The following IRAK2 variants were observed in gnomAD, a reference collection of about 807,000 sequenced individuals.
IRAK2 encodes interleukin 1 receptor associated kinase 2.
Under a neutral mutation model 72.0 loss-of-function variants are expected in IRAK2, and 57 were observed. The observed-to-expected ratio is 0.79, with a 90% confidence interval of 0.64 to 0.99. IRAK2 has a LOEUF of 0.99. IRAK2 is among the 50% of genes least tolerant of loss of function. IRAK2 has a pLI of 0.00. For synonymous variants in IRAK2, 293 were observed against 312.7 expected, an observed-to-expected ratio of 0.94 and a Z score of 0.67; for missense variants, 790 against 794.4, an observed-to-expected ratio of 0.99 and a Z score of 0.07.
intron 9 of IRAK2, among the ~76,000 whole-genome samples, chr3:10,224,654 C>T (rs1238846323): frequency 7.2e-6 from 1 of 138,732 alleles, no homozygotes; most frequent in East Asian, 2.2e-4. Flanking sequence ...CAGATGACTT[C>T]CTCATCCATC....
intron 2 of IRAK2, among the ~76,000 whole-genome samples, chr3:10,182,093 A>T (rs1237893299): frequency 1.4e-5 from 2 of 147,822 alleles, no homozygotes; most frequent in Non-Finnish European, 3.0e-5. Context: ...TCAGCCTCCC[A>T]AGTAGCTGGG....
intron 2 of IRAK2, among the ~76,000 whole-genome samples, chr3:10,185,251 C>G (rs1039002153): frequency 6.6e-6 from 1 of 151,250 alleles, no homozygotes; most frequent in African/African-American, 2.5e-5. Flanking sequence ...TTCTGATGCA[C>G]CTTGAAGTTT....
rs113314988 is a variant in IRAK2 at position 10,222,706 on chromosome 3, A to T, written c.1084A>T (p.Asn362Tyr). The T allele has an allele frequency of 1.2e-6, 2 of 1,614,188 alleles. No individual in the cohort carries two copies. Among genetic ancestry groups the T allele is most frequent in the South Asian group, 2.2e-5 (2 of 91,084 alleles). ...CCCAATGGCTCATCTGTGTCCTGTC[A>T]ACAAAAGGTCAAAATACACCATGAT... The part of the protein sequence containing the change: ...AHPMAHLCPV[N>Y]KRSKYTMMKT... The change falls in exon 9 of 13, where the codon AAC becomes TAC. Residue 362 changes from asparagine to tyrosine, a missense_variant. Coordinates refer to ENST00000256458, the MANE Select transcript of IRAK2 (RefSeq NM_001570.4).
intron 10 of IRAK2, among the ~76,000 whole-genome samples, chr3:10,231,255 G>C (rs1697857509): frequency 6.6e-6 from 1 of 151,954 alleles, no homozygotes; most frequent in Non-Finnish European, 1.5e-5. Context: ...AGAAATGAAA[G>C]GTAAACTTTT....
At chr3:10,204,202 C>T (rs1421381561) in intron 3 of IRAK2, among the ~76,000 whole-genome samples, 2 of 152,208 alleles carry the variant, frequency 1.3e-5, no homozygotes, top group South Asian at 2.1e-4. Flanking sequence ...AAGAAACAGA[C>T]CATTATTGCT....
chr3:10,209,403 G>C (rs1468034337), intron 3 of IRAK2, among the ~76,000 whole-genome samples, 186 bp from the exon 4 acceptor site: 1 of 152,196 alleles, frequency 6.6e-6, no homozygotes, highest in African/African-American at 2.4e-5. Flanking sequence ...TTGTAGGGGA[G>C]TCAGAGGCTT....
At chr3:10,209,816 A>G (rs925274893) in intron 4 of IRAK2, 124 bp downstream of exon 4, 5 of 503,988 alleles carry the variant, frequency 9.9e-6, no homozygotes, top group African/African-American at 5.9e-5. Flanking sequence ...GGAAATTGCC[A>G]TCAAATTACC....
intron 1 of IRAK2, 138 bp from the exon 2 acceptor site, chr3:10,177,700 C>T (rs1696897722): frequency 1.2e-6 from 1 of 809,874 alleles, no homozygotes; most frequent in South Asian, 1.6e-5. Flanking sequence ...TGGACCTCAG[C>T]TAATGGTGGT....
chr3:10,174,202 AC>A (rs1696838896), intron 1 of IRAK2, among the ~76,000 whole-genome samples: 1 of 152,150 alleles, frequency 6.6e-6, no homozygotes, highest in Admixed American at 6.6e-5. Context: ...CTTCCCACTG[AC>A]CAGCAATCTG....
chr3:10,242,255 G>C lies in IRAK2; in HGVS notation c.*27G>C, dbSNP rs1240164943. On this transcript the variant is annotated 3_prime_UTR_variant, in exon 13 of 13. Transcript: ENST00000256458. ...GACCGGAACACAGCTGAGGACCCTT[G>C]TCCTCAGTTGGAAAGATGAGCATCA... is the stretch of plus-strand genomic sequence containing the variant. 2 of 1,337,956 alleles carry C rather than the reference G, an allele frequency of 1.5e-6. No individual in the cohort carries two copies. Among genetic ancestry groups the C allele is most frequent in the South Asian group, 2.5e-5 (2 of 79,988 alleles). The allele number at this position is 1,337,956 out of a possible 1,614,324, so 82.9% of individuals were successfully genotyped here.
At chr3:10,186,065 G>C (rs943156715) in intron 2 of IRAK2, among the ~76,000 whole-genome samples, 1 of 150,098 alleles carries the variant, frequency 6.7e-6, no homozygotes, top group African/African-American at 2.5e-5. Context: ...GCAAGACTCC[G>C]TCTCAACAAC....
rs1357759468 is a variant in IRAK2 at position 10,206,010 on chromosome 3, T to C, written c.425-3579T>C. ...CAGCAGAGGCCTCCATTAGTCCAGG[T>C]CCTTGGTGAGAGGCAGATACCAAGA... is the stretch of plus-strand genomic sequence containing the variant. On this transcript the variant is annotated intron_variant, in intron 3 of 12. Transcript: ENST00000256458. Among the ~76,000 whole-genome samples the C allele has an allele frequency of 4.6e-5, 7 of 152,178 alleles. No homozygotes were observed. In the East Asian group the frequency reaches 1.4e-3, roughly 29 times the overall value.
In IRAK2 at chr3:10,194,615, G is replaced by A. The variant is rs1002452111; in HGVS notation, c.278-5754G>A. On this transcript the variant is annotated intron_variant, in intron 2 of 12. Transcript: ENST00000256458. ...GCCAGCCTGAATGAGTGGGCGTTGC[G>A]TCTTTCTAGCTAGCAGGGAGCAGGT... Among the ~76,000 whole-genome samples, 4 of 152,232 alleles carry A rather than the reference G, an allele frequency of 2.6e-5. No homozygotes were observed. The South Asian group carries it at 6.2e-4, about 24-fold the overall frequency.
chr3:10,229,831 T>C (rs774016235), intron 10 of IRAK2, among the ~76,000 whole-genome samples: 2 of 152,160 alleles, frequency 1.3e-5, no homozygotes, highest in Non-Finnish European at 2.9e-5. Context: ...CCGGGCACAG[T>C]GGCTCACGGC....
chr3:10,169,103 G>A (rs1483598775), intron 1 of IRAK2, among the ~76,000 whole-genome samples: 2 of 152,128 alleles, frequency 1.3e-5, no homozygotes, highest in Non-Finnish European at 2.9e-5. Flanking sequence ...CAAAACCAGC[G>A]AGTTTTTATT....
At chr3:10,193,814 C>T (rs543251800) in intron 2 of IRAK2, among the ~76,000 whole-genome samples, 28 of 152,346 alleles carry the variant, frequency 1.8e-4, no homozygotes, top group African/African-American at 5.8e-4. Context: ...CTGCCAATGG[C>T]GTGGGCACAG....
At position 10,231,728 on chromosome 3, in the gene IRAK2, C is replaced by T. The variant is rs192965263; in HGVS notation, c.1273-2731C>T. 8.6e-4 allele frequency among the ~76,000 whole-genome samples: 131 copies of T among 152,214 alleles called. 4 individuals are homozygous for T. In the South Asian group the frequency reaches 0.018, roughly 20 times the overall value. ...ATGGGATGTCACTTTGTTGCCCAGG[C>T]GAGTTTCGAGCTCCTGGGCTTAAGC... On this transcript the variant is annotated intron_variant, in intron 10 of 12. Coordinates refer to ENST00000256458, the MANE Select transcript of IRAK2 (RefSeq NM_001570.4).
At chr3:10,176,926 C>T (rs1458444217) in intron 1 of IRAK2, among the ~76,000 whole-genome samples, 2 of 151,634 alleles carry the variant, frequency 1.3e-5, no homozygotes, top group African/African-American at 4.9e-5. Flanking sequence ...CCTCAGCCTC[C>T]CGAGTAGCTG....
intron 3 of IRAK2, among the ~76,000 whole-genome samples, chr3:10,201,039 TA>T (rs1406383165): frequency 1.8e-4 from 27 of 152,320 alleles, no homozygotes; most frequent in Admixed American, 5.2e-4. Flanking sequence ...GGTAGAAAAG[TA>T]GAAAAAATCA....
Sources: allele counts gnomAD v4.1 joint callset (sites outside exome capture counted in the v4.1 genomes callset), GRCh38; gene constraint gnomAD v4.1.1; transcripts MANE v1.5; gene names NCBI Gene and HGNC (gene_info 2026-07-23, HGNC 2026-07-21).